The following DTNA variants were observed in gnomAD, a reference collection of about 807,000 sequenced individuals.
The protein encoded by DTNA is dystrobrevin alpha.
In DTNA, 43 loss-of-function variants were observed where a neutral mutation model predicts 100.7. The ratio of observed to expected loss-of-function variants is 0.43; its 90% CI spans 0.33 to 0.55. The LOEUF (loss-of-function observed/expected upper bound fraction) is 0.55. DTNA is among the 20% of genes least tolerant of loss of function. DTNA has a pLI of 0.04. For missense variants in DTNA, 798 were observed against 953.9 expected, an observed-to-expected ratio of 0.84 and a Z score of 2.15; for synonymous variants, 349 against 347.9, an observed-to-expected ratio of 1.00 and a Z score of -0.04.
chr18:34,734,752 T>G (rs545194397), intron 1 of DTNA, among the ~76,000 whole-genome samples: 107 of 152,318 alleles, frequency 7.0e-4, no homozygotes, highest in Middle Eastern at 3.4e-3. Context: ...AAAGGTATTA[T>G]GTATAGAGTC....
intron 2 of DTNA, among the ~76,000 whole-genome samples, chr18:34,757,779 G>C (rs925503250): frequency 3.9e-5 from 6 of 152,268 alleles, no homozygotes; most frequent in African/African-American, 1.4e-4. Context: ...TTATAACTTT[G>C]TGTTTTCATA....
intron 1 of DTNA, among the ~76,000 whole-genome samples, chr18:34,569,661 A>G (rs2047399178): frequency 6.6e-6 from 1 of 152,166 alleles, no homozygotes. Flanking sequence ...TGACAAGTCA[A>G]AAATCTACAG....
intron 1 of DTNA, among the ~76,000 whole-genome samples, chr18:34,654,585 G>A (rs1287075109): frequency 6.6e-6 from 1 of 152,046 alleles, no homozygotes; most frequent in African/African-American, 2.4e-5. Context: ...AATCTCTTGG[G>A]AACATTCTAA....
chr18:34,885,797 G>T (rs753055870), intron 22 of DTNA, among the ~76,000 whole-genome samples: 1 of 152,170 alleles, frequency 6.6e-6, no homozygotes, highest in South Asian at 2.1e-4. Flanking sequence ...TCAACACCTG[G>T]CAGCTGCCAT....
At chr18:34,719,800 T>C (rs1472666101) in intron 1 of DTNA, among the ~76,000 whole-genome samples, 5 of 152,172 alleles carry the variant, frequency 3.3e-5, no homozygotes, top group East Asian at 3.9e-4. Flanking sequence ...CCCTTATAAA[T>C]TGGAGAAACT....
At chr18:34,681,800 A>G (rs938099663) in intron 1 of DTNA, among the ~76,000 whole-genome samples, 2 of 152,142 alleles carry the variant, frequency 1.3e-5, no homozygotes, top group African/African-American at 4.8e-5. Flanking sequence ...ATGAACCTAC[A>G]TTAACCCATC....
At chr18:34,602,026 A>G (rs2051967421) in intron 1 of DTNA, among the ~76,000 whole-genome samples, 1 of 152,206 alleles carries the variant, frequency 6.6e-6, no homozygotes, top group South Asian at 2.1e-4. Context: ...TAGACAGAGT[A>G]AAAGGCCTAG....
chr18:34,685,829 A>G (rs1479515793), intron 1 of DTNA, among the ~76,000 whole-genome samples: 1 of 152,100 alleles, frequency 6.6e-6, no homozygotes, highest in African/African-American at 2.4e-5. Flanking sequence ...AGTGGTTTGT[A>G]GTTCTCCTTG....
rs892752325 is a variant in DTNA, at chr18:34,670,930, C to G, written c.-1-85046C>G. ...GATCTCAAACTCTGTACTGGGAGAA[C>G]CACTAGTCTCTTCAAAGCTGTCAGA... On this transcript the variant is annotated intron_variant, in intron 1 of 19. Coordinates refer to the DTNA transcript ENST00000283365. Among the ~76,000 whole-genome samples the G allele has an allele frequency of 2.6e-5, 4 of 152,208 alleles. 1 individual carries two copies. The highest frequency in any genetic ancestry group is 2.1e-4 in the South Asian group (1 of 4,838).
At chr18:34,545,823 A>G (rs1305828764) in intron 1 of DTNA, among the ~76,000 whole-genome samples, 5 of 152,082 alleles carry the variant, frequency 3.3e-5, no homozygotes, top group Admixed American at 6.6e-5. Flanking sequence ...TTTTTCAGGT[A>G]AGAGAAAATT....
rs534997251 is a variant in DTNA, at chr18:34,665,354, T to C, written c.-1-90622T>C. On this transcript the variant is annotated intron_variant, in intron 1 of 19. Coordinates refer to the DTNA transcript ENST00000283365. ...TGTGTCCAAATAACTGCTACATTTG[T>C]ATACAAATTTTTTATGAAAACAAGA... 4.6e-5 allele frequency among the ~76,000 whole-genome samples: 7 copies of C among 152,308 alleles called. No homozygotes were observed. The East Asian group carries it at 1.2e-3, about 25-fold the overall frequency.
At chr18:34,668,157 G>A (rs369819230) in intron 1 of DTNA, among the ~76,000 whole-genome samples, 12 of 152,134 alleles carry the variant, frequency 7.9e-5, no homozygotes, top group African/African-American at 2.9e-4. Context: ...GTCTTGGGAG[G>A]GTGTATGTGT....
At chr18:34,529,292 G>C (rs1386074835) in intron 1 of DTNA, among the ~76,000 whole-genome samples, 1 of 151,914 alleles carries the variant, frequency 6.6e-6, no homozygotes, top group Non-Finnish European at 1.5e-5. Context: ...TAGAATAATT[G>C]ATTCATTCAT....
chr18:34,560,336 T>G (rs1196394262), intron 1 of DTNA, among the ~76,000 whole-genome samples: 2 of 152,188 alleles, frequency 1.3e-5, no homozygotes, highest in African/African-American at 4.8e-5. Flanking sequence ...GTTGAATAAT[T>G]GAATGACACA....
chr18:34,662,409 G>T (rs7231997), intron 1 of DTNA, among the ~76,000 whole-genome samples: 2,207 of 152,208 alleles, frequency 0.014, 40 homozygotes, highest in African/African-American at 0.047. Context: ...AAGAAGATAA[G>T]GGACTGGGCG....
intron 13 of DTNA, among the ~76,000 whole-genome samples, chr18:34,844,189 T>C (rs1315378025): frequency 6.6e-6 from 1 of 152,124 alleles, no homozygotes; most frequent in Non-Finnish European, 1.5e-5. Flanking sequence ...TAGGGGGTTG[T>C]TGAAGTCAGG....
intron 1 of DTNA, among the ~76,000 whole-genome samples, chr18:34,523,547 A>G (rs964781541): frequency 6.6e-5 from 10 of 152,190 alleles, no homozygotes; most frequent in Non-Finnish European, 8.8e-5. Context: ...CAAACCCTAC[A>G]TAAGATTCAT....
At chr18:34,615,084 G>T (rs1288979879) in intron 1 of DTNA, among the ~76,000 whole-genome samples, 1 of 152,148 alleles carries the variant, frequency 6.6e-6, no homozygotes, top group East Asian at 1.9e-4. Flanking sequence ...TTGACTTATG[G>T]TTCTACAGGC....
intron 1 of DTNA, among the ~76,000 whole-genome samples, chr18:34,635,673 T>A (rs2058591234): frequency 6.6e-6 from 1 of 152,172 alleles, no homozygotes; most frequent in Non-Finnish European, 1.5e-5. Context: ...TTCCAAATAT[T>A]GACCCATTTT....
Sources: gnomAD v4.1 joint callset for allele counts (sites outside exome capture counted in the v4.1 genomes callset) on GRCh38, gnomAD v4.1.1 for gene constraint, MANE v1.5 for transcripts, NCBI Gene and HGNC (gene_info 2026-07-23, HGNC 2026-07-21) for gene names.